THSD4: variants seen among roughly 807,000 people sequenced by gnomAD.
THSD4 encodes thrombospondin type 1 domain containing 4, also known as thrombospondin type-1 domain-containing protein 4.
In THSD4, 69 loss-of-function variants were observed where a neutral mutation model predicts 119.0. That is an observed-to-expected ratio of 0.58 (90% CI 0.48 to 0.71). The LOEUF is 0.71. THSD4 is among the 30% of genes least tolerant of loss of function. The pLI is 0.00. For synonymous variants in THSD4, 524 were observed against 540.4 expected, an observed-to-expected ratio of 0.97 and a Z score of 0.42; for missense variants, 1,393 against 1,391.1, an observed-to-expected ratio of 1.00 and a Z score of -0.02.
At chr15:71,602,948 T>C (rs2050041934) in intron 7 of THSD4, among the ~76,000 whole-genome samples, 1 of 152,242 alleles carries the variant, frequency 6.6e-6, no homozygotes, top group Admixed American at 6.5e-5. Context: ...CAAGCTTATG[T>C]AGCCACTGGT....
intron 6 of THSD4, among the ~76,000 whole-genome samples, chr15:71,324,706 T>A (rs1338566606): frequency 1.3e-5 from 2 of 152,220 alleles, no homozygotes; most frequent in Non-Finnish European, 2.9e-5. Context: ...ATCCAATCAT[T>A]GGCCTATGGA....
chr15:71,315,870 A>C (rs567872767), intron 6 of THSD4, among the ~76,000 whole-genome samples: 128 of 152,302 alleles, frequency 8.4e-4, no homozygotes, highest in African/African-American at 2.8e-3. Context: ...CACCAACACA[A>C]AAAAAATTGT....
At chr15:71,718,432 C>G (rs1384574342) in intron 8 of THSD4, among the ~76,000 whole-genome samples, 7 of 152,160 alleles carry the variant, frequency 4.6e-5, no homozygotes, top group Non-Finnish European at 8.8e-5. Flanking sequence ...CTGGTTCTGT[C>G]CATGGGCTGG....
At chr15:71,397,984 G>A (rs1226166674) in intron 6 of THSD4, among the ~76,000 whole-genome samples, 2 of 152,186 alleles carry the variant, frequency 1.3e-5, no homozygotes, top group African/African-American at 4.8e-5. Flanking sequence ...CAAACAGTAT[G>A]ACTCTAGACA....
intron 6 of THSD4, among the ~76,000 whole-genome samples, chr15:71,282,750 A>C (rs2044668251): frequency 6.6e-6 from 1 of 152,116 alleles, no homozygotes; most frequent in Non-Finnish European, 1.5e-5. Context: ...CTCAAAGCTT[A>C]CCAGATCCAT....
At chr15:71,638,452 T>G (rs1023752361) in intron 7 of THSD4, among the ~76,000 whole-genome samples, 2 of 152,364 alleles carry the variant, frequency 1.3e-5, no homozygotes, top group Non-Finnish European at 2.9e-5. Flanking sequence ...AGGTAAATTC[T>G]GAACCCTTGA....
At chr15:71,321,032 GTA>G (rs1373250020) in intron 6 of THSD4, among the ~76,000 whole-genome samples, 1 of 152,196 alleles carries the variant, frequency 6.6e-6, no homozygotes, top group Non-Finnish European at 1.5e-5. Flanking sequence ...TTTAAACAGA[GTA>G]TATTGTGAAG....
At chr15:71,152,663 A>G (rs1417594570) in intron 2 of THSD4, among the ~76,000 whole-genome samples, 1 of 152,056 alleles carries the variant, frequency 6.6e-6, no homozygotes, top group Non-Finnish European at 1.5e-5. Context: ...GTAACTGGCA[A>G]AGACGTTCCC....
intron 7 of THSD4, among the ~76,000 whole-genome samples, chr15:71,519,940 T>C (rs2140781837): frequency 6.6e-6 from 1 of 152,264 alleles, no homozygotes; most frequent in East Asian, 1.9e-4. Flanking sequence ...GAAAAGAAGA[T>C]GTAGCTCTAG....
chr15:71,774,180 G>A (rs140852547), intron 17 of THSD4, among the ~76,000 whole-genome samples: 10 of 151,810 alleles, frequency 6.6e-5, no homozygotes, highest in African/African-American at 1.2e-4. Context: ...GTGTGGTGGC[G>A]CATGCCTATA....
At chr15:71,155,772 G>A (rs935039229) in intron 3 of THSD4, among the ~76,000 whole-genome samples, 4 of 152,190 alleles carry the variant, frequency 2.6e-5, no homozygotes, top group Admixed American at 2.6e-4. Flanking sequence ...ATCTTCAGTA[G>A]AGGGACGCAG....
At chr15:71,401,026 G>C (rs1424800750) in intron 6 of THSD4, among the ~76,000 whole-genome samples, 1 of 152,124 alleles carries the variant, frequency 6.6e-6, no homozygotes, top group African/African-American at 2.4e-5. Context: ...ATGACAGTGG[G>C]AGAATGTGCA....
intron 7 of THSD4, among the ~76,000 whole-genome samples, chr15:71,436,085 C>T (rs189992763): frequency 4.3e-4 from 66 of 152,214 alleles, no homozygotes; most frequent in African/African-American, 1.0e-3. Context: ...TAAAGCAAGA[C>T]GAAAGGAGAC....
At chr15:71,160,253 C>T (rs2043238752) in intron 3 of THSD4, among the ~76,000 whole-genome samples, 1 of 151,466 alleles carries the variant, frequency 6.6e-6, no homozygotes, top group African/African-American at 2.4e-5. Flanking sequence ...CTATGTTCAT[C>T]AGGAATATTG....
intron 7 of THSD4, among the ~76,000 whole-genome samples, chr15:71,459,382 C>CTCTCTCTCTCTCTCTGTCTCTCTG (rs2047392207): frequency 7.9e-6 from 1 of 127,008 alleles, no homozygotes; most frequent in African/African-American, 2.8e-5. Context: ...GTCTCTCTGT[C>CTCTCTCTCTCTCTCTGTCTCTCTG]TCTCTCTCTC....
intron 7 of THSD4, among the ~76,000 whole-genome samples, chr15:71,520,904 C>A (rs1214290443): frequency 6.6e-6 from 1 of 152,128 alleles, no homozygotes; most frequent in East Asian, 1.9e-4. Flanking sequence ...CAATGCTGCC[C>A]AGGAAGTCTT....
chr15:71,475,420 C>G (rs1414875691), intron 7 of THSD4, among the ~76,000 whole-genome samples: 2 of 152,188 alleles, frequency 1.3e-5, no homozygotes, highest in Non-Finnish European at 2.9e-5. Flanking sequence ...TCTTCAATGA[C>G]TATTGATTCA....
At chr15:71,235,650 C>T (rs1363539126) in intron 4 of THSD4, among the ~76,000 whole-genome samples, 2 of 148,298 alleles carry the variant, frequency 1.3e-5, no homozygotes, top group Admixed American at 6.8e-5. Context: ...TGCAGTGGCA[C>T]GATCTCAGCT....
chr15:71,442,081 C>T (rs115099168), intron 7 of THSD4, among the ~76,000 whole-genome samples: 2,013 of 152,192 alleles, frequency 0.013, 50 homozygotes, highest in African/African-American at 0.046. Context: ...GCCTAAGCCT[C>T]CTGAGTAGTG....
Sources: gnomAD v4.1 joint callset for allele counts (sites outside exome capture counted in the v4.1 genomes callset) on GRCh38, gnomAD v4.1.1 for gene constraint, MANE v1.5 for transcripts, NCBI Gene and HGNC (gene_info 2026-07-23, HGNC 2026-07-21) for gene names.